The following AKNA variants were observed in gnomAD, a reference collection of about 807,000 sequenced individuals.
AKNA encodes the protein microtubule organization protein AKNA.
A neutral mutation model predicts 138.8 loss-of-function variants in AKNA; 67 were observed. That is an observed-to-expected ratio of 0.48 (90% CI 0.40 to 0.59). The LOEUF (loss-of-function observed/expected upper bound fraction) is 0.59, where lower values mean the gene tolerates loss of function less well. Among genes scored for constraint, AKNA ranks in the 20% least tolerant of loss-of-function variants. The pLI, the probability that AKNA is intolerant of heterozygous loss-of-function variation, is 0.00. For missense variants in AKNA, 1,813 were observed against 1,880.4 expected (o/e 0.96, Z 0.66); for synonymous variants, 737 against 754.4 (o/e 0.98, Z 0.38).
Position 114,356,112 on chromosome 9 carries a change from G to T in AKNA, c.2871C>A (p.Pro957=). The change falls in exon 14 of 22, where the codon CCC becomes CCA. Residue 957 remains proline, a synonymous_variant. Transcript: ENST00000374088. ...CATCCCTGGGCACAGATGCAGCAAA[G>T]GGCTGGGCTAATGTTCCTGCTGTGC... is the stretch of plus-strand genomic sequence containing the variant. ...HISTAGTLAQ[P]FAASVPRDGA... 1 of 1,613,922 alleles carries T rather than the reference G, an allele frequency of 6.2e-7. No homozygotes were observed. Among genetic ancestry groups the T allele is most frequent in the South Asian group, 1.1e-5 (1 of 91,078 alleles).
At chr9:114,388,880 G>A (rs549205488), upstream of AKNA, among the ~76,000 whole-genome samples, 42 of 152,312 alleles carry the variant, frequency 2.8e-4, no homozygotes, top group South Asian at 7.7e-3. Context: ...ACTGGGTGAC[G>A]ATCCGTGTCC....
chr9:114,376,510 A>C lies in AKNA; in HGVS notation c.1297T>G (p.Phe433Val). The C allele has an allele frequency of 6.2e-7, 1 of 1,613,876 alleles. No homozygotes were observed. Among genetic ancestry groups the C allele is most frequent in the Non-Finnish European group, 8.5e-7 (1 of 1,179,934 alleles). Reference protein sequence around the residue: ...AHPITRVPQEFQTPEQATELV... With the variant: ...AHPITRVPQEVQTPEQATELV... ...TCAGTGGCTTGCTCAGGCGTCTGAA[A>C]TTCTTGGGGTACCCTGGTGATAGGG... is the stretch of plus-strand genomic sequence containing the variant. The change falls in exon 3 of 22, where the codon TTT becomes GTT. Residue 433 changes from phenylalanine to valine, a missense_variant. Coordinates refer to ENST00000374088, the MANE Select transcript of AKNA (RefSeq NM_001317950.2).
chr9:114,396,770 G>A (rs1261283835), upstream of AKNA: 2 of 152,136 alleles, frequency 1.3e-5, no homozygotes, highest in Non-Finnish European at 2.9e-5. Flanking sequence ...ACTGAATCCA[G>A]GCTGGGGATC....
At chr9:114,383,080 G>C (rs951429528) in intron 1 of AKNA, 1 of 455,304 alleles carries the variant, frequency 2.2e-6, no homozygotes, top group Non-Finnish European at 4.4e-6. Flanking sequence ...CTGGACCTGG[G>C]AGTGGTTTCG....
intron 2 of AKNA, 68 bp from the exon 3 acceptor site, chr9:114,377,600 G>T: frequency 6.9e-7 from 1 of 1,446,278 alleles, no homozygotes; most frequent in Non-Finnish European, 9.3e-7. Context: ...CTTACCCTAA[G>T]TCACTTCAAC....
At chr9:114,339,060 T>A (rs1588935773) in intron 21 of AKNA, among the ~76,000 whole-genome samples, 2 of 152,150 alleles carry the variant, frequency 1.3e-5, no homozygotes, top group Non-Finnish European at 2.9e-5. Flanking sequence ...TACGATGGGG[T>A]TATGCCCCTA....
intron 14 of AKNA, among the ~76,000 whole-genome samples, chr9:114,354,463 C>T (rs1564627919): frequency 1.3e-5 from 2 of 152,182 alleles, no homozygotes; most frequent in African/African-American, 4.8e-5. Flanking sequence ...CCTGTAATCC[C>T]AGCACTTTGG....
intron 1 of AKNA, among the ~76,000 whole-genome samples, chr9:114,387,142 T>G (rs542416284): frequency 6.6e-6 from 1 of 151,784 alleles, no homozygotes; most frequent in East Asian, 1.9e-4. Context: ...ACCCCCCAAA[T>G]CAGTAACCAG....
intron 1 of AKNA, among the ~76,000 whole-genome samples, chr9:114,382,737 A>C (rs567968638): frequency 1.3e-5 from 2 of 152,222 alleles, no homozygotes; most frequent in South Asian, 2.1e-4. Flanking sequence ...CAAAGGTCAC[A>C]TATAGTGTGA....
chr9:114,350,659 A>G (rs1235217025), intron 15 of AKNA, among the ~76,000 whole-genome samples, 200 bp downstream of exon 15: 1 of 152,154 alleles, frequency 6.6e-6, no homozygotes, highest in Admixed American at 6.5e-5. Context: ...CTGGCTGGAG[A>G]AGTGTGTCCT....
intron 19 of AKNA, 67 bp downstream of exon 19, chr9:114,343,641 A>C (rs1588945785): frequency 6.6e-7 from 1 of 1,509,240 alleles, no homozygotes; most frequent in Non-Finnish European, 9.2e-7. Flanking sequence ...TCAAGTACAC[A>C]CTCCCCTGAG....
At chr9:114,351,602 C>T (rs1340045757) in intron 14 of AKNA, among the ~76,000 whole-genome samples, 1 of 150,728 alleles carries the variant, frequency 6.6e-6, no homozygotes, top group African/African-American at 2.4e-5. Context: ...TGCTTGCGCC[C>T]AGAAGTTTGA....
intron 3 of AKNA, among the ~76,000 whole-genome samples, chr9:114,374,724 C>A (rs1259600602): frequency 2.0e-5 from 3 of 152,078 alleles, no homozygotes; most frequent in Non-Finnish European, 2.9e-5. Flanking sequence ...CAAGTCATTG[C>A]AGGAAAAAAG....
At position 114,337,173 on chromosome 9, in the gene AKNA, C is replaced by A. The variant is rs1203368444; in HGVS notation, c.4201G>T (p.Ala1401Ser). 6.2e-7 allele frequency: 1 copy of A among 1,610,692 alleles called. No individual in the cohort carries two copies. The highest frequency in any genetic ancestry group is 8.5e-7 in the Non-Finnish European group (1 of 1,177,760). The change falls in exon 22 of 22, where the codon GCC becomes TCC. Residue 1401 changes from alanine to serine, a missense_variant. Transcript: ENST00000374088. ...GCAGCCTGCACGGCCCGGCTCAGGG[C>A]CTTGTTGAGCTCCTCTAGGTCGCCC... is the stretch of plus-strand genomic sequence containing the variant. The part of the protein sequence containing the change: ...DLGDLEELNK[A>S]LSRAVQAAES...
At chr9:114,373,174 G>A (rs1206165372) in intron 4 of AKNA, among the ~76,000 whole-genome samples, 1 of 152,238 alleles carries the variant, frequency 6.6e-6, no homozygotes, top group Non-Finnish European at 1.5e-5. Context: ...TGCCTGATGA[G>A]GCAAGAGGAG....
chr9:114,366,279 CAA>C (rs35834810), intron 6 of AKNA, among the ~76,000 whole-genome samples: 32 of 127,756 alleles, frequency 2.5e-4, no homozygotes, highest in African/African-American at 6.3e-4. Flanking sequence ...GACTCTGTCT[CAA>C]AAAAAAAAAA....
chr9:114,349,610 G>A (rs1001844883), intron 15 of AKNA, among the ~76,000 whole-genome samples: 1 of 152,080 alleles, frequency 6.6e-6, no homozygotes. Context: ...ACCTGCCTAC[G>A]CTACGTCCCT....
upstream of AKNA, among the ~76,000 whole-genome samples, chr9:114,394,955 G>T (rs1483605981): frequency 2.6e-5 from 4 of 152,214 alleles, no homozygotes; most frequent in African/African-American, 9.7e-5. Context: ...GCTGGCAGTG[G>T]GGGGGCTGGG....
At chr9:114,358,657 T>C (rs1339601725) in intron 11 of AKNA, among the ~76,000 whole-genome samples, 4 of 148,042 alleles carry the variant, frequency 2.7e-5, no homozygotes, top group Admixed American at 2.7e-4. Context: ...TCATACTGTC[T>C]CTCTCTCTCT....
Sources: gnomAD v4.1 joint callset for allele counts (sites outside exome capture counted in the v4.1 genomes callset) on GRCh38, gnomAD v4.1.1 for gene constraint, MANE v1.5 for transcripts, NCBI Gene and HGNC (gene_info 2026-07-23, HGNC 2026-07-21) for gene names.